Variants in SAMMSON observed in about 807,000 individuals in gnomAD.
SAMMSON encodes survival associated mitochondrial melanoma specific oncogenic non-coding RNA.
intron 7 of SAMMSON, among the ~76,000 whole-genome samples, chr3:70,337,057 ATTAATAATAATATCTAACTTAATATTC>A (rs1443027311): frequency 1.2e-4 from 10 of 82,818 alleles, no homozygotes; most frequent in African/African-American, 3.0e-4. Flanking sequence ...TATTATTATT[ATTAATAATAATATCTAACTTAATATTC>A]TTATTAATAA....
chr3:70,104,269 T>G (rs1481799389), intron 4 of SAMMSON, among the ~76,000 whole-genome samples: 1 of 152,094 alleles, frequency 6.6e-6, no homozygotes, highest in African/African-American at 2.4e-5. Context: ...CCTCGTGTTT[T>G]TTTTTTTCCT....
chr3:70,200,178 C>G (rs779812473), intron 4 of SAMMSON, among the ~76,000 whole-genome samples: 1 of 152,220 alleles, frequency 6.6e-6, no homozygotes, highest in Non-Finnish European at 1.5e-5. Context: ...TGGCCACCAT[C>G]AGCCACCAGC....
At chr3:70,395,331 CTTTTT>C (rs71126501) in intron 2 of SAMMSON, among the ~76,000 whole-genome samples, 26 of 113,620 alleles carry the variant, frequency 2.3e-4, no homozygotes, top group African/African-American at 7.7e-4. Context: ...CTCTCTCTCT[CTTTTT>C]TTTTTTTTTT....
intron 2 of SAMMSON, among the ~76,000 whole-genome samples, chr3:70,410,057 C>G (rs1317937767): frequency 6.6e-6 from 1 of 152,094 alleles, no homozygotes; most frequent in Non-Finnish European, 1.5e-5. Flanking sequence ...TTATTATGTC[C>G]TTTAGAACCT....
At chr3:70,304,238 G>A (rs1391781067) in intron 7 of SAMMSON, among the ~76,000 whole-genome samples, 1 of 152,028 alleles carries the variant, frequency 6.6e-6, no homozygotes, top group African/African-American at 2.4e-5. Flanking sequence ...TCCTGCCCCA[G>A]TGCCTGTATA....
chr3:70,274,090 T>C (rs949449727), intron 6 of SAMMSON, among the ~76,000 whole-genome samples: 5 of 145,062 alleles, frequency 3.4e-5, no homozygotes, highest in East Asian at 4.0e-4. Context: ...TGTGTGTGTG[T>C]GCGCGCGCGC....
chr3:70,134,721 A>T (rs528484125), intron 4 of SAMMSON, among the ~76,000 whole-genome samples: 6 of 152,302 alleles, frequency 3.9e-5, no homozygotes, highest in African/African-American at 1.4e-4. Flanking sequence ...ACTTATACAT[A>T]TGATACATAT....
chr3:70,201,867 C>T (rs961981002), intron 4 of SAMMSON, among the ~76,000 whole-genome samples: 2 of 152,186 alleles, frequency 1.3e-5, no homozygotes, highest in Admixed American at 1.3e-4. Flanking sequence ...TGTCTAGATT[C>T]AGCCAGTAGA....
chr3:70,393,753 A>G (rs9310191), downstream of SAMMSON, among the ~76,000 whole-genome samples: 33,217 of 151,784 alleles, frequency 0.22, 4,221 homozygotes, highest in East Asian at 0.42. Flanking sequence ...AATAAACTTC[A>G]CTGTTCTGTC....
intron 6 of SAMMSON, among the ~76,000 whole-genome samples, chr3:70,268,607 GTT>G (rs1247207720): frequency 6.6e-6 from 1 of 152,108 alleles, no homozygotes; most frequent in Non-Finnish European, 1.5e-5. Context: ...CCTTCTATGG[GTT>G]TGGACAAATG....
At chr3:70,252,624 A>G (rs890015188) in intron 6 of SAMMSON, among the ~76,000 whole-genome samples, 48 of 152,190 alleles carry the variant, frequency 3.2e-4, no homozygotes, top group African/African-American at 1.1e-3. Flanking sequence ...GATGTGCCCC[A>G]TTTATAGGAG....
chr3:70,402,979 A>C (rs1461147231), intron 2 of SAMMSON, among the ~76,000 whole-genome samples: 3 of 151,984 alleles, frequency 2.0e-5, no homozygotes, highest in Non-Finnish European at 1.5e-5. Context: ...TATTTTCTTA[A>C]TCAATATCAT....
At chr3:70,034,893 C>A (rs9860906) in intron 3 of SAMMSON, among the ~76,000 whole-genome samples, 1 of 152,066 alleles carries the variant, frequency 6.6e-6, no homozygotes, top group Non-Finnish European at 1.5e-5. Context: ...TTGTACCCTA[C>A]ACTATTAAGA....
chr3:70,375,575 C>G (rs1703007739), intron 9 of SAMMSON, among the ~76,000 whole-genome samples: 2 of 152,024 alleles, frequency 1.3e-5, no homozygotes, highest in South Asian at 2.1e-4. Context: ...CCTGAAAGCT[C>G]TCTCCTCTGC....
At position 70,359,130 on chromosome 3, in the gene SAMMSON, C is replaced by T. The variant is rs577492980; in HGVS notation, n.913+806C>T. Among the ~76,000 whole-genome samples, 19 of 152,186 alleles carry T rather than the reference C, an allele frequency of 1.2e-4. No individual in the cohort carries two copies. In the South Asian group the frequency reaches 1.9e-3, roughly 15 times the overall value. On this transcript the variant is annotated intron_variant and non_coding_transcript_variant, in intron 9 of 9. Transcript: ENST00000642114. Reference sequence around the variant, plus strand: ...CAGAAAACATCATCATCAATTTCTCCTCTTGCAAAAATGATTATTCTTGCT... The same window carrying T: ...CAGAAAACATCATCATCAATTTCTCTTCTTGCAAAAATGATTATTCTTGCT...
chr3:70,263,503 T>G (rs1701887376), intron 6 of SAMMSON, among the ~76,000 whole-genome samples: 1 of 152,148 alleles, frequency 6.6e-6, no homozygotes, highest in Non-Finnish European at 1.5e-5. Context: ...CTGTTGGGAA[T>G]TCAAGTAATT....
intron 4 of SAMMSON, among the ~76,000 whole-genome samples, chr3:70,174,368 T>C (rs1264024395): frequency 6.6e-6 from 1 of 151,982 alleles, no homozygotes; most frequent in Admixed American, 6.6e-5. Flanking sequence ...AGTGGTTAAA[T>C]AGGGAGTGAA....
chr3:70,195,514 T>C (rs1208311557), intron 4 of SAMMSON, among the ~76,000 whole-genome samples: 1 of 152,228 alleles, frequency 6.6e-6, no homozygotes, highest in Non-Finnish European at 1.5e-5. Flanking sequence ...AAAAATGTGC[T>C]AGTTTGCTAC....
intron 4 of SAMMSON, among the ~76,000 whole-genome samples, chr3:70,247,298 A>G (rs1476981308): frequency 6.6e-6 from 1 of 152,002 alleles, no homozygotes; most frequent in Non-Finnish European, 1.5e-5. Flanking sequence ...TCAGTAAGTT[A>G]TAGGCTGTGT....
Sources: allele counts gnomAD v4.1 joint callset (sites outside exome capture counted in the v4.1 genomes callset), GRCh38; gene constraint gnomAD v4.1.1; transcripts MANE v1.5; gene names NCBI Gene and HGNC (gene_info 2026-07-23, HGNC 2026-07-21).